The following ACP3 variants were observed in gnomAD, a reference collection of about 807,000 sequenced individuals.
The protein encoded by ACP3 is acid phosphatase 3.
In ACP3, 38 loss-of-function variants were observed where a neutral mutation model predicts 45.6. The ratio of observed to expected loss-of-function variants is 0.83; its 90% CI spans 0.64 to 1.09. The LOEUF (loss-of-function observed/expected upper bound fraction) is 1.09, where lower values mean the gene tolerates loss of function less well. Ranked by LOEUF, ACP3 falls within the 50% of genes least tolerant of loss-of-function variation. The pLI, the probability that ACP3 is intolerant of heterozygous loss-of-function variation, is 0.00. For synonymous variants in ACP3, 162 were observed against 164.7 expected (o/e 0.98, Z 0.13); for missense variants, 466 against 463.2 (o/e 1.01, Z -0.05).
In ACP3 at chr3:132,356,868, G is replaced by A; in HGVS notation, c.1151G>A (p.Ser384Asn). ...TTNSHQGTED[S>N]TD ...AACAGCCATCAAGGTACTGAAGACA[G>A]TACAGATTAGTGTGCACAGAGATCT... Residue 384 changes from serine (S) to asparagine (N), a missense_variant, in exon 10 of 10, where the codon AGT becomes AAT. By Grantham distance (46) the Ser-to-Asn change is conservative. Coordinates refer to ENST00000336375, the MANE Select transcript of ACP3 (RefSeq NM_001099.5). The A allele has an allele frequency of 1.2e-6, 2 of 1,613,192 alleles. No homozygotes were observed. The highest frequency in any genetic ancestry group is 1.7e-6 in the Non-Finnish European group (2 of 1,179,420).
chr3:132,329,326 G>T (rs1296771993), intron 2 of ACP3, among the ~76,000 whole-genome samples: 1 of 152,146 alleles, frequency 6.6e-6, no homozygotes, highest in Non-Finnish European at 1.5e-5. Context: ...CTGCCTGGGA[G>T]GTTCTTATTT....
Position 132,331,747 on chromosome 3 carries a change from C to A in ACP3, c.303+14C>A. On this transcript the variant is annotated intron_variant, in intron 3 of 9. Transcript: ENST00000336375. Reference sequence around the variant, plus strand: ...AAACATGAACAGGCAAGTTGGGGAGCCAAGAGTGGGAACTTTGATCTTTGA... The same window carrying A: ...AAACATGAACAGGCAAGTTGGGGAGACAAGAGTGGGAACTTTGATCTTTGA... 1 of 1,575,612 alleles carries A rather than the reference C, an allele frequency of 6.3e-7. No individual in the cohort carries two copies.
At chr3:132,346,519 G>C (rs1021088914) in intron 7 of ACP3, among the ~76,000 whole-genome samples, 1 of 152,190 alleles carries the variant, frequency 6.6e-6, no homozygotes, top group Non-Finnish European at 1.5e-5. Flanking sequence ...GGAAGGGAGA[G>C]TCTCCAGAGA....
intron 1 of ACP3, among the ~76,000 whole-genome samples, chr3:132,325,829 G>C (rs1937289297): frequency 6.6e-6 from 1 of 152,154 alleles, no homozygotes; most frequent in Non-Finnish European, 1.5e-5. Context: ...TGTGAGTTTA[G>C]ACAGGTCACT....
chr3:132,357,389 A>G lies in ACP3; in HGVS notation c.*511A>G, dbSNP rs1054378135. ...TCAGTTCCAGCCTTCTCTCAAGGAG[A>G]GGCAAAGAAAGGAGATACAGTGGAG... On this transcript the variant is annotated 3_prime_UTR_variant, in exon 10 of 10. Transcript: ENST00000336375. 3.0e-6 allele frequency: 3 copies of G among 985,300 alleles called. No homozygotes were observed. The highest frequency in any genetic ancestry group is 3.6e-6 in the Non-Finnish European group (3 of 829,960). The allele number at this position is 985,300 out of a possible 1,614,324, so 61.0% of individuals were successfully genotyped here. A position where few individuals can be genotyped will look rare whatever the true frequency, so the allele number is the denominator to read the frequency against.
At chr3:132,328,434 T>G in intron 2 of ACP3, 72 bp downstream of exon 2, 1 of 1,324,386 alleles carries the variant, frequency 7.6e-7, no homozygotes, top group Non-Finnish European at 1.1e-6. Context: ...ATCCCAGCAC[T>G]TTGGGAGGCC....
At chr3:132,350,115 G>A (rs1029723745) in intron 8 of ACP3, 113 bp downstream of exon 8, 2 of 693,680 alleles carry the variant, frequency 2.9e-6, no homozygotes, top group South Asian at 3.7e-5. Flanking sequence ...TACGTGGTAG[G>A]CACTTGCACA....
At chr3:132,336,251 C>G (rs1330030990) in intron 4 of ACP3, among the ~76,000 whole-genome samples, 1 of 151,868 alleles carries the variant, frequency 6.6e-6, no homozygotes, top group African/African-American at 2.4e-5. Context: ...CAGAGCAAGA[C>G]TCTGTCTCAA....
At chr3:132,365,865 C>G (rs1284496685) in intron 10 of ACP3, among the ~76,000 whole-genome samples, 1 of 152,098 alleles carries the variant, frequency 6.6e-6, no homozygotes, top group Non-Finnish European at 1.5e-5. Flanking sequence ...GTAGCGGGCA[C>G]CTGTAATCCC....
chr3:132,335,613 C>T (rs1937476490), intron 4 of ACP3, among the ~76,000 whole-genome samples: 1 of 151,960 alleles, frequency 6.6e-6, no homozygotes, highest in Non-Finnish European at 1.5e-5. Flanking sequence ...GCGATGAGTT[C>T]CTGGAAAGAA....
At chr3:132,322,168 C>T (rs1394864573) in intron 1 of ACP3, among the ~76,000 whole-genome samples, 1 of 152,202 alleles carries the variant, frequency 6.6e-6, no homozygotes, top group East Asian at 1.9e-4. Context: ...CAGACCTTTT[C>T]TGATATATCA....
At chr3:132,349,622 A>G (rs1031856061) in intron 7 of ACP3, among the ~76,000 whole-genome samples, 1 of 152,192 alleles carries the variant, frequency 6.6e-6, no homozygotes, top group African/African-American at 2.4e-5. Context: ...CCGGTATGGT[A>G]GAGTCCTAGT....
intron 10 of ACP3, among the ~76,000 whole-genome samples, chr3:132,365,470 CA>C (rs1268232737): frequency 6.6e-6 from 1 of 152,054 alleles, no homozygotes; most frequent in Admixed American, 6.6e-5. Flanking sequence ...TGAAGAACAG[CA>C]TAAGGATTAT....
At chr3:132,333,060 TA>T (rs998121036) in intron 4 of ACP3, among the ~76,000 whole-genome samples, 11 of 152,176 alleles carry the variant, frequency 7.2e-5, no homozygotes, top group East Asian at 3.9e-4. Flanking sequence ...CGTGGTTTTT[TA>T]AAAAAAATCC....
At chr3:132,324,978 T>C (rs1476596269) in intron 1 of ACP3, among the ~76,000 whole-genome samples, 2 of 152,208 alleles carry the variant, frequency 1.3e-5, no homozygotes, top group African/African-American at 4.8e-5. Context: ...TCTATTACAA[T>C]TACCACTACT....
At chr3:132,339,787 A>C (rs1258290319) in intron 5 of ACP3, among the ~76,000 whole-genome samples, 1 of 152,122 alleles carries the variant, frequency 6.6e-6, no homozygotes, top group African/African-American at 2.4e-5. Context: ...TGATTGATTA[A>C]GCCACAGGCT....
chr3:132,328,547 T>C (rs1351686126), intron 2 of ACP3, among the ~76,000 whole-genome samples, 185 bp downstream of exon 2: 10 of 151,970 alleles, frequency 6.6e-5, no homozygotes, highest in Admixed American at 6.6e-4. Context: ...GGATTGGTGG[T>C]GGGCACCTGT....
At chr3:132,323,221 T>A (rs56073503) in intron 1 of ACP3, among the ~76,000 whole-genome samples, 16,886 of 150,718 alleles carry the variant, frequency 0.11, 1,142 homozygotes, top group Non-Finnish European at 0.15. Flanking sequence ...AGGATGATGA[T>A]CAAAAACCCT....
chr3:132,317,468 A>AC lies in ACP3; in HGVS notation c.16dup (p.Leu6ProfsTer10). 1.2e-6 allele frequency: 2 copies of AC among 1,612,642 alleles called. No homozygotes were observed. Among genetic ancestry groups the AC allele is most frequent in the Non-Finnish European group, 1.7e-6 (2 of 1,179,428 alleles). ...CAGCTCTCCTCAACATGAGAGCTGC[A>AC]CCCCTCCTCCTGGCCAGGGCAGCAA... On this transcript the variant is annotated frameshift_variant, in exon 1 of 10. Coordinates refer to ENST00000336375, the MANE Select transcript of ACP3 (RefSeq NM_001099.5). LOFTEE classifies it high-confidence loss of function.
Sources: gnomAD v4.1 joint callset for allele counts (sites outside exome capture counted in the v4.1 genomes callset) on GRCh38, gnomAD v4.1.1 for gene constraint, MANE v1.5 for transcripts, NCBI Gene and HGNC (gene_info 2026-07-23, HGNC 2026-07-21) for gene names.